Variants in MIPOL1 observed in about 807,000 individuals in gnomAD.
MIPOL1 encodes mirror-image polydactyly 1, also known as mirror-image polydactyly gene 1 protein.
In MIPOL1, 57 loss-of-function variants were observed where a neutral mutation model predicts 60.9. The ratio of observed to expected loss-of-function variants is 0.94; its 90% CI spans 0.76 to 1.17. The LOEUF (loss-of-function observed/expected upper bound fraction) is 1.17. MIPOL1 is among the 50% of genes most tolerant of loss of function. The pLI, the probability that MIPOL1 is intolerant of heterozygous loss-of-function variation, is 0.00. For synonymous variants in MIPOL1, 179 were observed against 168.8 expected (o/e 1.06, Z -0.47); for missense variants, 551 against 511.6 (o/e 1.08, Z -0.74).
intron 7 of MIPOL1, among the ~76,000 whole-genome samples, chr14:37,290,678 C>T (rs796292544): frequency 5.3e-5 from 8 of 152,148 alleles, no homozygotes; most frequent in African/African-American, 1.9e-4. Flanking sequence ...TTTGATTCTT[C>T]CTTTATTTCA....
At chr14:37,246,717 C>G (rs539205108) in intron 1 of MIPOL1, among the ~76,000 whole-genome samples, 86 of 152,188 alleles carry the variant, frequency 5.7e-4, no homozygotes, top group African/African-American at 2.0e-3. Flanking sequence ...TTGCTTCCAA[C>G]TAGGATCTGA....
At chr14:37,319,189 CA>C (rs2088279900) in intron 9 of MIPOL1, among the ~76,000 whole-genome samples, 1 of 152,020 alleles carries the variant, frequency 6.6e-6, no homozygotes, top group Non-Finnish European at 1.5e-5. Flanking sequence ...ACTCACCTGC[CA>C]TTGAGAGTTT....
chr14:37,304,436 A>G (rs925857105), intron 7 of MIPOL1, among the ~76,000 whole-genome samples: 1 of 151,812 alleles, frequency 6.6e-6, no homozygotes, highest in Non-Finnish European at 1.5e-5. Flanking sequence ...TGTATACTTC[A>G]GCTTTTCAGA....
chr14:37,520,934 T>C (rs1223660239), intron 12 of MIPOL1, among the ~76,000 whole-genome samples: 2 of 139,616 alleles, frequency 1.4e-5, no homozygotes, highest in Admixed American at 7.2e-5. Context: ...TACTTTTTTT[T>C]TTTTTTTTTT....
At chr14:37,288,371 A>C (rs960591724) in intron 7 of MIPOL1, among the ~76,000 whole-genome samples, 1 of 152,124 alleles carries the variant, frequency 6.6e-6, no homozygotes, top group African/African-American at 2.4e-5. Context: ...TTTGTCAGGA[A>C]CTGTAATTAC....
intron 11 of MIPOL1, among the ~76,000 whole-genome samples, chr14:37,433,719 C>A (rs2153560660): frequency 6.6e-6 from 1 of 152,150 alleles, no homozygotes; most frequent in South Asian, 2.1e-4. Context: ...CCATGCCCGG[C>A]TAATTTTTGT....
At chr14:37,486,925 G>T (rs2094956401) in intron 11 of MIPOL1, among the ~76,000 whole-genome samples, 1 of 152,110 alleles carries the variant, frequency 6.6e-6, no homozygotes, top group Non-Finnish European at 1.5e-5. Flanking sequence ...TTTTCAAAGG[G>T]AATTCTTCCA....
At chr14:37,331,815 G>T (rs1179738679) in intron 9 of MIPOL1, among the ~76,000 whole-genome samples, 2 of 152,136 alleles carry the variant, frequency 1.3e-5, no homozygotes, top group Non-Finnish European at 2.9e-5. Flanking sequence ...TTGAATAAAA[G>T]TGGTGAAAGT....
intron 12 of MIPOL1, among the ~76,000 whole-genome samples, chr14:37,541,478 A>G (rs2095529375): frequency 1.3e-5 from 2 of 152,134 alleles, no homozygotes; most frequent in South Asian, 2.1e-4. Context: ...CTGATGGGGG[A>G]AAAAATTATA....
Position 37,412,023 on chromosome 14 carries a change from A to G in MIPOL1, c.937-10832A>G, listed in dbSNP as rs145970427. 6.2e-3 allele frequency among the ~76,000 whole-genome samples: 944 copies of G among 152,190 alleles called. 13 individuals carry two copies. The highest frequency in any genetic ancestry group is 0.021 in the African/African-American group (852 of 41,558). On this transcript the variant is annotated intron_variant, in intron 10 of 12. Transcript: ENST00000684589. ...GGATATTATCACTTTCATGCTACCA[A>G]TGAGAAAATTTAGGTTCAGAAGCCT...
At chr14:37,391,365 T>G (rs921325252) in intron 10 of MIPOL1, among the ~76,000 whole-genome samples, 3 of 151,294 alleles carry the variant, frequency 2.0e-5, no homozygotes, top group African/African-American at 7.3e-5. Context: ...TAAATGTGTT[T>G]GGAAATATTA....
rs181033159 is a variant in MIPOL1, at chr14:37,480,996, C to T, written c.1032-18912C>T. ...TCTATTTAAAAATTTAAAAAAATAG[C>T]CAGGCATGTTGGCACATGCCTGTAG... On this transcript the variant is annotated intron_variant, in intron 11 of 12. Coordinates refer to ENST00000684589, the MANE Select transcript of MIPOL1 (RefSeq NM_001388067.1). Among the ~76,000 whole-genome samples the T allele has an allele frequency of 6.6e-5, 10 of 152,164 alleles. No homozygotes were observed. The East Asian group carries it at 1.7e-3, about 27-fold the overall frequency.
At chr14:37,514,300 C>G (rs2095352024) in intron 12 of MIPOL1, among the ~76,000 whole-genome samples, 1 of 152,052 alleles carries the variant, frequency 6.6e-6, no homozygotes, top group African/African-American at 2.4e-5. Context: ...ACTACCTTAC[C>G]TGAGATTCAT....
chr14:37,531,413 A>G (rs556488540), intron 12 of MIPOL1, among the ~76,000 whole-genome samples: 1 of 152,288 alleles, frequency 6.6e-6, no homozygotes, highest in East Asian at 1.9e-4. Context: ...CTGAACAACT[A>G]AAAGGTTACT....
intron 11 of MIPOL1, among the ~76,000 whole-genome samples, chr14:37,463,468 A>C (rs530832797): frequency 6.6e-6 from 1 of 152,142 alleles, no homozygotes; most frequent in Non-Finnish European, 1.5e-5. Flanking sequence ...GCCTACAACC[A>C]ACTGATCTTT....
At chr14:37,264,614 C>T (rs761496182) in intron 3 of MIPOL1, among the ~76,000 whole-genome samples, 3 of 150,840 alleles carry the variant, frequency 2.0e-5, no homozygotes, top group African/African-American at 2.4e-5. Context: ...GGTGACGGAG[C>T]GAAACCCTCT....
chr14:37,388,071 T>C (rs1489551356), intron 10 of MIPOL1, among the ~76,000 whole-genome samples: 1 of 151,758 alleles, frequency 6.6e-6, no homozygotes, highest in Non-Finnish European at 1.5e-5. Flanking sequence ...AAAAATGTTA[T>C]CAGTGATTAG....
chr14:37,402,336 G>T (rs201599934), intron 10 of MIPOL1, among the ~76,000 whole-genome samples: 1 of 152,064 alleles, frequency 6.6e-6, no homozygotes, highest in Non-Finnish European at 1.5e-5. Flanking sequence ...GGAGATAAAC[G>T]TACCCCAAAA....
intron 11 of MIPOL1, among the ~76,000 whole-genome samples, chr14:37,490,671 C>G (rs998502714): frequency 6.6e-6 from 1 of 152,136 alleles, no homozygotes; most frequent in Non-Finnish European, 1.5e-5. Flanking sequence ...TATTCAGGCT[C>G]AGTCCCTCAC....
Sources: gnomAD v4.1 joint callset for allele counts (sites outside exome capture counted in the v4.1 genomes callset) on GRCh38, gnomAD v4.1.1 for gene constraint, MANE v1.5 for transcripts, NCBI Gene and HGNC (gene_info 2026-07-23, HGNC 2026-07-21) for gene names.